The following DNAH7 variants were observed in gnomAD, a reference collection of about 807,000 sequenced individuals.
DNAH7 encodes the protein dynein axonemal heavy chain 7.
DNAH7 carries 397 observed loss-of-function variants against 444.6 expected under a neutral mutation model. That is an observed-to-expected ratio of 0.89 (90% CI 0.82 to 0.97). The LOEUF (loss-of-function observed/expected upper bound fraction) is 0.97, where lower values mean the gene tolerates loss of function less well. Ranked by LOEUF, DNAH7 falls within the 50% of genes least tolerant of loss-of-function variation. The pLI, the probability that DNAH7 is intolerant of heterozygous loss-of-function variation, is 0.00. For missense variants in DNAH7, 4,902 were observed against 4,800.8 expected (o/e 1.02, Z -0.62); for synonymous variants, 1,636 against 1,624.4 (o/e 1.01, Z -0.17).
At chr2:195,835,997 T>C (rs1698352229) in intron 47 of DNAH7, among the ~76,000 whole-genome samples, 2 of 152,246 alleles carry the variant, frequency 1.3e-5, no homozygotes, top group Non-Finnish European at 2.9e-5. Flanking sequence ...ATTTATTTTC[T>C]CACAGTTCTG....
chr2:195,838,133 T>C (rs10210817), intron 47 of DNAH7, among the ~76,000 whole-genome samples: 107 of 152,186 alleles, frequency 7.0e-4, no homozygotes, highest in African/African-American at 2.5e-3. Context: ...TCAAACAGTA[T>C]AGTGAAGGCT....
At position 195,983,564 on chromosome 2, in the gene DNAH7, C is replaced by G. The variant is rs546244000; in HGVS notation, c.1833+1068G>C. ...GTCACTCATTACCATCAGGAAGGCA[C>G]CAAGCCATTCATGAGGGATCCACCA... is the stretch of plus-strand genomic sequence containing the variant. On this transcript the variant is annotated intron_variant, in intron 15 of 64. Coordinates refer to ENST00000312428, the MANE Select transcript of DNAH7 (RefSeq NM_018897.3). 2.6e-5 allele frequency among the ~76,000 whole-genome samples: 4 copies of G among 152,292 alleles called. No homozygotes were observed. The South Asian group carries it at 8.3e-4, about 32-fold the overall frequency.
At position 195,888,392 on chromosome 2, in the gene DNAH7, C is replaced by T. The variant is rs1701827601; in HGVS notation, c.5272G>A (p.Gly1758Ser). Residue 1758 changes from glycine (G) to serine (S), a missense_variant, in exon 33 of 65, where the codon GGC becomes AGC. Physicochemically the swap from Gly to Ser is moderately conservative, Grantham distance 56. Coordinates refer to ENST00000312428, the MANE Select transcript of DNAH7 (RefSeq NM_018897.3). ...GMIYMEPHML[G>S]WRPLMLSWVN... ...CAGGACAACATCAGTGGTCTCCAGC[C>T]TAACATGTGAGGCTCCATGTAAATC... The T allele has an allele frequency of 1.2e-6, 2 of 1,602,712 alleles. No individual in the cohort carries two copies. Among genetic ancestry groups the T allele is most frequent in the African/African-American group, 1.3e-5 (1 of 74,176 alleles).
intron 61 of DNAH7, among the ~76,000 whole-genome samples, chr2:195,768,906 G>C (rs1694711280): frequency 6.6e-6 from 1 of 152,008 alleles, no homozygotes. Context: ...TTATGTATTG[G>C]ATATTGCCAT....
In DNAH7 at chr2:195,803,573, C is replaced by T. The variant is rs114907566; in HGVS notation, c.10176+3167G>A. 3.9e-3 allele frequency among the ~76,000 whole-genome samples: 599 copies of T among 152,320 alleles called. 1 individual carries two copies. The highest frequency in any genetic ancestry group is 0.013 in the African/African-American group (552 of 41,580). On this transcript the variant is annotated intron_variant, in intron 54 of 64. Transcript: ENST00000312428. ...TGCCTCTTCAATCTGATTATGCCAGCGTTAGGTTTGTAAAATGAAATCTGT... is the reference window on the plus strand; with the variant it reads ...TGCCTCTTCAATCTGATTATGCCAGTGTTAGGTTTGTAAAATGAAATCTGT...
At chr2:195,854,142 T>G (rs1253916226) in intron 45 of DNAH7, among the ~76,000 whole-genome samples, 3 of 152,132 alleles carry the variant, frequency 2.0e-5, no homozygotes, top group Non-Finnish European at 4.4e-5. Flanking sequence ...GAGAGATAAT[T>G]ACAAAGGTGG....
At position 196,047,507 on chromosome 2, in the gene DNAH7, T is replaced by G. The variant is rs763450344; in HGVS notation, c.251-8A>C. On this transcript the variant is annotated splice_region_variant and splice_polypyrimidine_tract_variant and intron_variant, in intron 4 of 64. Coordinates refer to ENST00000312428, the MANE Select transcript of DNAH7 (RefSeq NM_018897.3). ...AACGTTCCATGTATTCAGCTTAAAT[T>G]AAAACAAAAAAAAAAGCACAATTAT... 2.6e-6 allele frequency: 4 copies of G among 1,525,098 alleles called. No individual in the cohort carries two copies. The highest frequency in any genetic ancestry group is 3.5e-6 in the Non-Finnish European group (4 of 1,135,922). 94.5% of individuals were successfully genotyped at this position (1,525,098 alleles called of 1,614,324 possible). A position where few individuals can be genotyped will look rare whatever the true frequency, so the allele number is the denominator to read the frequency against.
chr2:195,984,498 C>T (rs1692779945), intron 15 of DNAH7, 134 bp downstream of exon 15: 6 of 859,618 alleles, frequency 7.0e-6, no homozygotes, highest in Admixed American at 2.3e-5. Flanking sequence ...CAGGCGCATG[C>T]CACCACACCC....
chr2:195,833,626 G>T (rs186673554), intron 48 of DNAH7, among the ~76,000 whole-genome samples: 1 of 152,082 alleles, frequency 6.6e-6, no homozygotes, highest in Non-Finnish European at 1.5e-5. Flanking sequence ...TCTGTTTTTC[G>T]TTTTGATAAA....
chr2:195,941,034 A>C (rs183466050), intron 19 of DNAH7, among the ~76,000 whole-genome samples: 2 of 152,306 alleles, frequency 1.3e-5, no homozygotes, highest in East Asian at 3.9e-4. Context: ...ATATACCCAA[A>C]GGATTATAAA....
chr2:196,027,355 T>C (rs1007392575), intron 6 of DNAH7, among the ~76,000 whole-genome samples: 4 of 151,982 alleles, frequency 2.6e-5, no homozygotes, highest in Admixed American at 6.6e-5. Flanking sequence ...CAATAGGATT[T>C]AGGACATTTC....
At chr2:195,800,467 T>C (rs1421815895) in intron 54 of DNAH7, among the ~76,000 whole-genome samples, 1 of 152,242 alleles carries the variant, frequency 6.6e-6, no homozygotes, top group Non-Finnish European at 1.5e-5. Context: ...TAATTCGGCT[T>C]GGTTGTCTTT....
intron 21 of DNAH7, among the ~76,000 whole-genome samples, chr2:195,927,062 C>T (rs866365219): frequency 6.6e-6 from 1 of 152,248 alleles, no homozygotes; most frequent in East Asian, 1.9e-4. Flanking sequence ...GCCTCACTCC[C>T]TCTCAATCCT....
At chr2:195,999,286 A>C in intron 12 of DNAH7, 1 of 706,418 alleles carries the variant, frequency 1.4e-6, no homozygotes, top group Non-Finnish European at 2.6e-6. Flanking sequence ...AAGAATTTGT[A>C]ACCACAAGTC....
intron 61 of DNAH7, among the ~76,000 whole-genome samples, chr2:195,761,466 T>C (rs1694349361): frequency 6.6e-6 from 1 of 152,022 alleles, no homozygotes; most frequent in African/African-American, 2.4e-5. Flanking sequence ...GAGAATGATA[T>C]CAATATTCAA....
intron 8 of DNAH7, among the ~76,000 whole-genome samples, chr2:196,023,016 T>C (rs947815298): frequency 6.6e-6 from 1 of 152,116 alleles, no homozygotes; most frequent in African/African-American, 2.4e-5. Flanking sequence ...GTCCCTGATA[T>C]AGTTTGTATA....
rs529418860 is a variant in DNAH7, at chr2:195,911,201, G to A, written c.3936-1006C>T. Reference sequence around the variant, plus strand: ...GTCCTACTCTCTATGGTATCCTGGCGGTCTGTTAAATGAGATTTTAAATAT... The same window carrying A: ...GTCCTACTCTCTATGGTATCCTGGCAGTCTGTTAAATGAGATTTTAAATAT... On this transcript the variant is annotated intron_variant, in intron 24 of 64. Coordinates refer to ENST00000312428, the MANE Select transcript of DNAH7 (RefSeq NM_018897.3). Among the ~76,000 whole-genome samples, 60 of 152,108 alleles carry A rather than the reference G, an allele frequency of 3.9e-4. 1 individual carries two copies. In the South Asian group the frequency reaches 8.1e-3, roughly 21 times the overall value.
In DNAH7 at chr2:196,002,158, T is replaced by A. The variant is rs77659280; in HGVS notation, c.990-300A>T. 3.2e-4 allele frequency among the ~76,000 whole-genome samples: 48 copies of A among 152,326 alleles called. 1 individual carries two copies. The East Asian group carries it at 8.9e-3, about 28-fold the overall frequency. ...GAAATATAGAACTAACTTTACTGGA[T>A]ATTACAAAATACTCCTCTCCAATCT... On this transcript the variant is annotated intron_variant, in intron 10 of 64. Coordinates refer to ENST00000312428, the MANE Select transcript of DNAH7 (RefSeq NM_018897.3).
Position 195,861,778 on chromosome 2 carries a change from T to C in DNAH7, c.7675A>G (p.Thr2559Ala). 6.2e-7 allele frequency: 1 copy of C among 1,613,636 alleles called. No homozygotes were observed. The highest frequency in any genetic ancestry group is 8.5e-7 in the Non-Finnish European group (1 of 1,179,694). ...ATTAATTCGAGGTAAGAGGTAGGAGTCACATAATTGTATCTTTGAAGTTCA... is the reference window on the plus strand; with the variant it reads ...ATTAATTCGAGGTAAGAGGTAGGAGCCACATAATTGTATCTTTGAAGTTCA... Reference protein sequence around the residue: ...FVELQRYNYVTPTSYLELIST... With the variant: ...FVELQRYNYVAPTSYLELIST... The change falls in exon 42 of 65, where the codon ACT (threonine) becomes GCT (alanine). Residue 2559 changes from threonine (T) to alanine (A), a missense_variant. Transcript: ENST00000312428.
Sources: allele counts gnomAD v4.1 joint callset (sites outside exome capture counted in the v4.1 genomes callset), GRCh38; gene constraint gnomAD v4.1.1; transcripts MANE v1.5; gene names NCBI Gene and HGNC (gene_info 2026-07-23, HGNC 2026-07-21).